SAMD12: variants seen among roughly 807,000 people sequenced by gnomAD.
The protein encoded by SAMD12 is sterile alpha motif domain-containing protein 12.
A neutral mutation model predicts 15.0 loss-of-function variants in SAMD12; 9 were observed. The ratio of observed to expected loss-of-function variants is 0.60; its 90% CI spans 0.36 to 1.05. The LOEUF is 1.05. SAMD12 is among the 50% of genes least tolerant of loss of function. The pLI is 0.01. For synonymous variants in SAMD12, 86 were observed against 90.1 expected, an observed-to-expected ratio of 0.96 and a Z score of 0.25; for missense variants, 230 against 234.2, an observed-to-expected ratio of 0.98 and a Z score of 0.12.
the SAMD12 span, among the ~76,000 whole-genome samples, chr8:118,149,968 A>G: frequency 1.3e-5 from 2 of 152,162 alleles, no homozygotes; most frequent in Non-Finnish European, 2.9e-5. Context: ...ATTGTCTTGA[A>G]TTCTTTAATC....
intron 4 of SAMD12, among the ~76,000 whole-genome samples, chr8:118,316,653 G>T (rs1345845019): frequency 5.9e-5 from 9 of 152,040 alleles, no homozygotes; most frequent in Non-Finnish European, 1.3e-4. Flanking sequence ...CCTGGAAGGA[G>T]TGTTAACTGG....
At chr8:118,185,018 G>A (rs976296262), downstream of SAMD12, among the ~76,000 whole-genome samples, 6 of 151,260 alleles carry the variant, frequency 4.0e-5, no homozygotes, top group Non-Finnish European at 7.4e-5. Flanking sequence ...ACCTGTTTGC[G>A]TTGATGAAGT....
intron 2 of SAMD12, among the ~76,000 whole-genome samples, chr8:118,489,531 A>C (rs1200925164): frequency 6.6e-6 from 1 of 152,172 alleles, no homozygotes; most frequent in Non-Finnish European, 1.5e-5. Context: ...AACAAACTCA[A>C]ATAGATAAGC....
At chr8:118,363,214 C>T (rs759306655) in intron 4 of SAMD12, among the ~76,000 whole-genome samples, 4 of 152,060 alleles carry the variant, frequency 2.6e-5, no homozygotes, top group Non-Finnish European at 2.9e-5. Flanking sequence ...TTACACACTG[C>T]GATGGTTAAT....
intron 2 of SAMD12, among the ~76,000 whole-genome samples, chr8:118,501,193 G>A (rs1824771913): frequency 6.6e-6 from 1 of 152,090 alleles, no homozygotes; most frequent in African/African-American, 2.4e-5. Context: ...CCAAGCTTTA[G>A]AAACTGTCAG....
chr8:118,320,328 GAGAA>G (rs1281754277), intron 4 of SAMD12, among the ~76,000 whole-genome samples: 1 of 152,140 alleles, frequency 6.6e-6, no homozygotes, highest in Non-Finnish European at 1.5e-5. Flanking sequence ...CTAGCTTTGT[GAGAA>G]AGGAGGGCAA....
At chr8:118,616,356 G>GATGAGAC (rs765887970) in intron 1 of SAMD12, among the ~76,000 whole-genome samples, 37 of 146,452 alleles carry the variant, frequency 2.5e-4, no homozygotes, top group Non-Finnish European at 4.6e-4. Context: ...AAGCTTCAAG[G>GATGAGAC]ATGAGACATG....
At chr8:118,595,046 G>A (rs994870538) in intron 1 of SAMD12, among the ~76,000 whole-genome samples, 2 of 152,088 alleles carry the variant, frequency 1.3e-5, no homozygotes, top group Non-Finnish European at 2.9e-5. Context: ...AGATACCGGG[G>A]CCATCAGAGA....
In SAMD12 at chr8:118,475,612, G is replaced by A. The variant is rs553417413; in HGVS notation, c.193-35651C>T. On this transcript the variant is annotated intron_variant, in intron 2 of 3. Coordinates refer to ENST00000314727, the MANE Select transcript of SAMD12 (RefSeq NM_207506.3). ...CAGAGCCAGGATTGAAATCCAAGCA[G>A]TCTAGCTCCAGAGTCTGTACTCCGT... is the stretch of plus-strand genomic sequence containing the variant. Among the ~76,000 whole-genome samples the A allele has an allele frequency of 5.9e-5, 9 of 152,348 alleles. No homozygotes were observed. The East Asian group carries it at 1.7e-3, about 29-fold the overall frequency.
chr8:118,136,667 A>G, the SAMD12 span, among the ~76,000 whole-genome samples: 1 of 152,218 alleles, frequency 6.6e-6, no homozygotes, highest in Admixed American at 6.5e-5. Context: ...CCCTTTGAGG[A>G]AAGCTGTTGG....
intron 1 of SAMD12, among the ~76,000 whole-genome samples, chr8:118,599,597 C>T (rs182425036): frequency 5.3e-5 from 8 of 152,280 alleles, no homozygotes; most frequent in Admixed American, 1.3e-4. Flanking sequence ...ACTTTCACAA[C>T]GATTCAATGT....
intron 2 of SAMD12, among the ~76,000 whole-genome samples, chr8:118,548,414 C>T (rs1188300255): frequency 6.7e-6 from 1 of 148,330 alleles, no homozygotes; most frequent in Non-Finnish European, 1.5e-5. Flanking sequence ...CACACACACA[C>T]ACACACACAC....
intron 4 of SAMD12, among the ~76,000 whole-genome samples, chr8:118,238,596 A>G (rs1193139116): frequency 6.6e-6 from 1 of 152,180 alleles, no homozygotes; most frequent in Admixed American, 6.5e-5. Flanking sequence ...GTGAAGCTAT[A>G]GACATAAATT....
intron 4 of SAMD12, among the ~76,000 whole-genome samples, chr8:118,265,019 C>T (rs1277006532): frequency 6.6e-6 from 1 of 152,098 alleles, no homozygotes; most frequent in Non-Finnish European, 1.5e-5. Context: ...TGCAATGAGG[C>T]ATTTTCATAA....
the SAMD12 span, among the ~76,000 whole-genome samples, chr8:118,138,625 T>TCTATG: frequency 6.6e-6 from 1 of 152,238 alleles, no homozygotes; most frequent in Non-Finnish European, 1.5e-5. Flanking sequence ...AGCCAACTAA[T>TCTATG]CTATGGTATT....
chr8:118,519,801 CT>C (rs1444871781), intron 2 of SAMD12, among the ~76,000 whole-genome samples: 2 of 152,126 alleles, frequency 1.3e-5, no homozygotes, highest in Admixed American at 1.3e-4. Flanking sequence ...AAAATTAGAA[CT>C]TGCTATTACT....
chr8:118,269,919 C>T (rs1376977923), intron 4 of SAMD12, among the ~76,000 whole-genome samples: 1 of 152,148 alleles, frequency 6.6e-6, no homozygotes, highest in Non-Finnish European at 1.5e-5. Context: ...GGTAAATCAT[C>T]ACTACTATAG....
At chr8:118,308,020 G>C (rs1290638941) in intron 4 of SAMD12, among the ~76,000 whole-genome samples, 1 of 152,184 alleles carries the variant, frequency 6.6e-6, no homozygotes, top group Non-Finnish European at 1.5e-5. Context: ...TCCTGTAACT[G>C]TTCCCCTTCT....
At chr8:118,424,750 TCA>T (rs1457797173) in intron 3 of SAMD12, among the ~76,000 whole-genome samples, 1 of 152,064 alleles carries the variant, frequency 6.6e-6, no homozygotes, top group East Asian at 1.9e-4. Flanking sequence ...TGTGTGGACT[TCA>T]GTTTCCTCCA....
Sources: gnomAD v4.1 joint callset for allele counts (sites outside exome capture counted in the v4.1 genomes callset) on GRCh38, gnomAD v4.1.1 for gene constraint, MANE v1.5 for transcripts, NCBI Gene and HGNC (gene_info 2026-07-23, HGNC 2026-07-21) for gene names.